EXPH5: variants seen among roughly 807,000 people sequenced by gnomAD.
EXPH5 encodes the protein exophilin-5.
Under a neutral mutation model 41.1 loss-of-function variants are expected in EXPH5, and 42 were observed. The observed-to-expected ratio is 1.02, with a 90% CI of 0.80 to 1.32. The LOEUF (loss-of-function observed/expected upper bound fraction) is 1.32, where lower values mean the gene tolerates loss of function less well. Ranked by LOEUF, EXPH5 falls within the 40% of genes most tolerant of loss-of-function variation. The pLI is 0.00. For missense variants in EXPH5, 2,298 were observed against 2,314.5 expected (o/e 0.99, Z 0.15); for synonymous variants, 798 against 833.5 (o/e 0.96, Z 0.73).
intron 1 of EXPH5, among the ~76,000 whole-genome samples, chr11:108,557,115 G>A (rs368170834): frequency 1.3e-5 from 2 of 152,228 alleles, no homozygotes; most frequent in Admixed American, 6.5e-5. Flanking sequence ...CACATCTTTA[G>A]AGAGGCCCTC....
At chr11:108,556,288 C>CT (rs1175305582) in intron 1 of EXPH5, among the ~76,000 whole-genome samples, 239 of 141,720 alleles carry the variant, frequency 1.7e-3, no homozygotes, top group Admixed American at 1.9e-3. Flanking sequence ...AATCTGCTGT[C>CT]TTTTTTTTTT....
chr11:108,558,811 T>G lies in EXPH5; in HGVS notation c.120-16999A>C, dbSNP rs116318320. Among the ~76,000 whole-genome samples the G allele has an allele frequency of 1.4e-3, 210 of 152,332 alleles. 1 individual carries two copies. The highest frequency in any genetic ancestry group is 4.6e-3 in the African/African-American group (192 of 41,574). On this transcript the variant is annotated intron_variant, in intron 1 of 5. Coordinates refer to ENST00000265843, the MANE Select transcript of EXPH5 (RefSeq NM_015065.3). ...TCTGGAGGCGGAAAGTTTACACTGGTAAACACACTTCATGTGACAGCTATG... is the reference window on the plus strand; with the variant it reads ...TCTGGAGGCGGAAAGTTTACACTGGGAAACACACTTCATGTGACAGCTATG...
intron 1 of EXPH5, among the ~76,000 whole-genome samples, chr11:108,550,510 G>A (rs1045430277): frequency 1.3e-5 from 2 of 152,176 alleles, no homozygotes; most frequent in African/African-American, 2.4e-5. Context: ...TGGGAGCAGT[G>A]GCTCACATCT....
chr11:108,589,122 T>C (rs1003251500), intron 1 of EXPH5, among the ~76,000 whole-genome samples: 4 of 152,232 alleles, frequency 2.6e-5, no homozygotes, highest in African/African-American at 9.6e-5. Context: ...CAGTTCATCT[T>C]ACACATTCTA....
chr11:108,556,267 G>A (rs776272822), intron 1 of EXPH5, among the ~76,000 whole-genome samples: 2 of 151,820 alleles, frequency 1.3e-5, no homozygotes. Context: ...GGCCCTTTGC[G>A]ATTAGTTGTG....
At chr11:108,600,638 T>C in the EXPH5 span, among the ~76,000 whole-genome samples, 2 of 152,218 alleles carry the variant, frequency 1.3e-5, no homozygotes, top group South Asian at 4.1e-4. Flanking sequence ...AACTCACCAA[T>C]GAAGGCCTTC....
At chr11:108,585,223 T>G (rs1419773004) in intron 1 of EXPH5, among the ~76,000 whole-genome samples, 1 of 152,152 alleles carries the variant, frequency 6.6e-6, no homozygotes, top group Admixed American at 6.5e-5. Context: ...CCTATTAGAA[T>G]GGTTAAAATA....
chr11:108,517,974 G>T (rs1170305139), intron 5 of EXPH5, among the ~76,000 whole-genome samples: 1 of 151,928 alleles, frequency 6.6e-6, no homozygotes, highest in Admixed American at 6.6e-5. Flanking sequence ...GACCCCTAAG[G>T]TTAAATATTA....
At position 108,512,161 on chromosome 11, in the gene EXPH5, G is replaced by C; in HGVS notation, c.3346C>G (p.Pro1116Ala). 1.2e-6 allele frequency: 2 copies of C among 1,612,660 alleles called. No individual in the cohort carries two copies. The highest frequency in any genetic ancestry group is 2.7e-5 in the African/African-American group (2 of 74,932). ...GSTSVRKGPL[P>A]FLINRAMSCP... ...GACATAGCCCTGTTGATGAGGAATG[G>C]AAGTGGTCCTTTTCTAACGGAAGTA... Residue 1116 changes from proline to alanine, a missense_variant, in exon 6 of 6, where the codon CCA becomes GCA. Pro to Ala is a conservative substitution (Grantham distance 27). Transcript: ENST00000265843.
chr11:108,597,406 C>T (rs1027388266), upstream of EXPH5, among the ~76,000 whole-genome samples: 21 of 152,188 alleles, frequency 1.4e-4, no homozygotes, highest in East Asian at 2.1e-3. Context: ...CTATGTTGGA[C>T]GGCTGATCTT....
chr11:108,604,510 G>C, the EXPH5 span, among the ~76,000 whole-genome samples: 1 of 152,092 alleles, frequency 6.6e-6, no homozygotes, highest in Non-Finnish European at 1.5e-5. Flanking sequence ...GGTAATTTCT[G>C]TATTTGTTTT....
intron 1 of EXPH5, among the ~76,000 whole-genome samples, chr11:108,546,286 GA>G (rs994708079): frequency 2.3e-4 from 35 of 152,230 alleles, no homozygotes; most frequent in African/African-American, 7.2e-4. Flanking sequence ...AGACCCGTTG[GA>G]TTTGCATTTT....
At chr11:108,595,207 C>G (rs2094137062), upstream of EXPH5, among the ~76,000 whole-genome samples, 1 of 152,276 alleles carries the variant, frequency 6.6e-6, no homozygotes, top group South Asian at 2.1e-4. Context: ...ACAACACAGT[C>G]CTTGTCTTTA....
At chr11:108,543,090 T>A (rs2093921070) in intron 1 of EXPH5, among the ~76,000 whole-genome samples, 1 of 152,184 alleles carries the variant, frequency 6.6e-6, no homozygotes. Flanking sequence ...AGCCCAGGTC[T>A]AATGCAAAGG....
rs190464553 is a variant in EXPH5, at chr11:108,552,378, G to A, written c.120-10566C>T. Among the ~76,000 whole-genome samples, 329 of 152,232 alleles carry A rather than the reference G, an allele frequency of 2.2e-3. 2 individuals carry two copies. Among genetic ancestry groups the A allele is most frequent in the Middle Eastern group, 6.8e-3 (2 of 294 alleles). Reference sequence around the variant, plus strand: ...TTGAAAAATGTGTTCTTTTCATAAGGGTAAAGTTAAATCATACACGGAAGT... The same window carrying A: ...TTGAAAAATGTGTTCTTTTCATAAGAGTAAAGTTAAATCATACACGGAAGT... On this transcript the variant is annotated intron_variant, in intron 1 of 5. Coordinates refer to ENST00000265843, the MANE Select transcript of EXPH5 (RefSeq NM_015065.3).
chr11:108,533,344 C>T (rs1412979302), intron 3 of EXPH5, among the ~76,000 whole-genome samples: 1 of 152,086 alleles, frequency 6.6e-6, no homozygotes, highest in Non-Finnish European at 1.5e-5. Flanking sequence ...TCAGGGATTA[C>T]AGGCACCTGC....
In EXPH5 at chr11:108,510,418, G is replaced by C; in HGVS notation, c.5089C>G (p.Gln1697Glu). The change falls in exon 6 of 6, where the codon CAA (glutamine) becomes GAA (glutamate). Residue 1697 changes from glutamine (Q) to glutamate (E), a missense_variant. By Grantham distance (29) the Gln-to-Glu change is conservative. Coordinates refer to ENST00000265843, the MANE Select transcript of EXPH5 (RefSeq NM_015065.3). Reference sequence around the variant, plus strand: ...TTTTTAAACTCATTCTGATGTCGTTGTGAAATGCTGTTAGACTTCTGGTTG... The same window carrying C: ...TTTTTAAACTCATTCTGATGTCGTTCTGAAATGCTGTTAGACTTCTGGTTG... ...VSNQKSNSIS[Q>E]RHQNEFKNVS... 4 of 1,614,022 alleles carry C rather than the reference G, an allele frequency of 2.5e-6. No homozygotes were observed. The highest frequency in any genetic ancestry group is 3.4e-6 in the Non-Finnish European group (4 of 1,179,988).
intron 1 of EXPH5, among the ~76,000 whole-genome samples, chr11:108,582,670 G>A (rs1282424846): frequency 6.6e-6 from 1 of 152,168 alleles, no homozygotes; most frequent in African/African-American, 2.4e-5. Context: ...CACATTGAGC[G>A]ACTTGAACAA....
At chr11:108,515,865 G>A (rs1313433193) in intron 5 of EXPH5, among the ~76,000 whole-genome samples, 1 of 152,084 alleles carries the variant, frequency 6.6e-6, no homozygotes, top group African/African-American at 2.4e-5. Context: ...GAGGTCAGGA[G>A]ATTGAGACCA....
Sources: allele counts gnomAD v4.1 joint callset (sites outside exome capture counted in the v4.1 genomes callset), GRCh38; gene constraint gnomAD v4.1.1; transcripts MANE v1.5; gene names NCBI Gene and HGNC (gene_info 2026-07-23, HGNC 2026-07-21).